Variants in SEMA3E observed in about 807,000 individuals in gnomAD.
SEMA3E encodes the protein semaphorin-3E.
Under a neutral mutation model 93.6 loss-of-function variants are expected in SEMA3E, and 49 were observed. The observed-to-expected ratio is 0.52, with a 90% CI of 0.42 to 0.66. The LOEUF is 0.66. Ranked by LOEUF, SEMA3E falls within the 30% of genes least tolerant of loss-of-function variation. The probability of loss-of-function intolerance (pLI) is 0.00; values close to 1 mark genes in which losing one functional copy is unlikely to be tolerated. For synonymous variants in SEMA3E, 363 were observed against 330.7 expected (o/e 1.10, Z -1.06); for missense variants, 906 against 964.8 (o/e 0.94, Z 0.81).
chr7:83,477,252 C>T (rs985355498), intron 2 of SEMA3E, among the ~76,000 whole-genome samples: 1 of 152,008 alleles, frequency 6.6e-6, no homozygotes, highest in East Asian at 1.9e-4. Flanking sequence ...GACTAAGCCT[C>T]TATAATTTTA....
At chr7:83,500,378 G>A (rs1238549495) in intron 1 of SEMA3E, among the ~76,000 whole-genome samples, 1 of 152,096 alleles carries the variant, frequency 6.6e-6, no homozygotes, top group Non-Finnish European at 1.5e-5. Context: ...GGAGGTTGCA[G>A]TGAGCTGAGA....
intron 1 of SEMA3E, among the ~76,000 whole-genome samples, chr7:83,512,328 A>G (rs1276412557): frequency 3.3e-5 from 5 of 152,144 alleles, no homozygotes; most frequent in Non-Finnish European, 7.3e-5. Context: ...CAAGCTAGCA[A>G]CCCCACGTAA....
chr7:83,522,355 T>C (rs1791066537), intron 1 of SEMA3E, among the ~76,000 whole-genome samples: 1 of 152,076 alleles, frequency 6.6e-6, no homozygotes, highest in South Asian at 2.1e-4. Context: ...CAGATGTGCC[T>C]GGGAACTTAT....
intron 1 of SEMA3E, among the ~76,000 whole-genome samples, chr7:83,622,156 CTT>C (rs747383593): frequency 8.0e-4 from 117 of 147,160 alleles, no homozygotes; most frequent in Non-Finnish European, 1.6e-3. Context: ...AAAAAAAACA[CTT>C]AAAAGTGGGC....
chr7:83,564,053 A>G (rs215276), intron 1 of SEMA3E, among the ~76,000 whole-genome samples: 50,318 of 152,114 alleles, frequency 0.33, 9,496 homozygotes, highest in African/African-American at 0.53. Flanking sequence ...AATTCCATAT[A>G]GAAGCCGATA....
chr7:83,459,863 T>C (rs1220408237), intron 4 of SEMA3E, among the ~76,000 whole-genome samples: 4 of 152,148 alleles, frequency 2.6e-5, no homozygotes, highest in Non-Finnish European at 5.9e-5. Context: ...CTTGTGAAAG[T>C]CCTTCTCCTG....
chr7:83,544,216 T>G (rs1791597629), intron 1 of SEMA3E, among the ~76,000 whole-genome samples: 1 of 152,080 alleles, frequency 6.6e-6, no homozygotes. Context: ...GTATATAAAT[T>G]TCTTTTATTG....
intron 16 of SEMA3E, among the ~76,000 whole-genome samples, chr7:83,374,263 G>A (rs959602339): frequency 6.0e-5 from 9 of 149,130 alleles, no homozygotes; most frequent in Non-Finnish European, 1.0e-4. Flanking sequence ...TAAACAAGAC[G>A]TTACCCTATA....
intron 1 of SEMA3E, among the ~76,000 whole-genome samples, chr7:83,630,291 T>G (rs1793760295): frequency 6.6e-6 from 1 of 152,212 alleles, no homozygotes; most frequent in Non-Finnish European, 1.5e-5. Flanking sequence ...ACTTTGACAA[T>G]CTCTATAATA....
intron 1 of SEMA3E, among the ~76,000 whole-genome samples, chr7:83,546,681 T>C (rs144687167): frequency 1.3e-5 from 2 of 152,232 alleles, no homozygotes; most frequent in East Asian, 3.9e-4. Flanking sequence ...TTTTTCATGC[T>C]ATCCACTGAG....
chr7:83,400,712 A>G (rs1788220613), intron 10 of SEMA3E, among the ~76,000 whole-genome samples: 2 of 152,204 alleles, frequency 1.3e-5, no homozygotes, highest in Non-Finnish European at 2.9e-5. Flanking sequence ...AAATTCTGGA[A>G]AAGTGAAGTA....
intron 1 of SEMA3E, among the ~76,000 whole-genome samples, chr7:83,574,642 G>A (rs1792362881): frequency 1.3e-5 from 2 of 152,172 alleles, no homozygotes; most frequent in Non-Finnish European, 2.9e-5. Flanking sequence ...AACCATGTCT[G>A]CTCTTGGGGT....
intron 4 of SEMA3E, among the ~76,000 whole-genome samples, chr7:83,449,586 C>G (rs1429330749): frequency 6.6e-6 from 1 of 152,010 alleles, no homozygotes; most frequent in African/African-American, 2.4e-5. Context: ...ATTCTTGAAT[C>G]AAAAGCTTAT....
At chr7:83,528,915 C>T (rs979086831) in intron 1 of SEMA3E, among the ~76,000 whole-genome samples, 3 of 151,852 alleles carry the variant, frequency 2.0e-5, no homozygotes, top group Non-Finnish European at 4.4e-5. Flanking sequence ...GGTTTAAATA[C>T]GTGAAAAATA....
chr7:83,587,584 G>A (rs60376849), intron 1 of SEMA3E, among the ~76,000 whole-genome samples: 1 of 151,752 alleles, frequency 6.6e-6, no homozygotes, highest in African/African-American at 2.4e-5. Context: ...TGGTGGCTCG[G>A]GCCTGTAATC....
intron 1 of SEMA3E, among the ~76,000 whole-genome samples, chr7:83,548,143 C>G (rs1465693963): frequency 6.6e-6 from 1 of 152,030 alleles, no homozygotes; most frequent in African/African-American, 2.4e-5. Flanking sequence ...ATCCTGAGGC[C>G]TTTCCTTTCT....
intron 16 of SEMA3E, among the ~76,000 whole-genome samples, chr7:83,384,268 A>G (rs999628271): frequency 1.3e-5 from 2 of 152,074 alleles, no homozygotes; most frequent in African/African-American, 4.8e-5. Context: ...GGAATCAGTA[A>G]TTTTGTATTC....
At chr7:83,444,369 C>T (rs930411012) in intron 4 of SEMA3E, among the ~76,000 whole-genome samples, 9 of 152,076 alleles carry the variant, frequency 5.9e-5, no homozygotes, top group Admixed American at 5.2e-4. Context: ...GTCAAGAGGT[C>T]CTCCCTCCTT....
intron 1 of SEMA3E, among the ~76,000 whole-genome samples, chr7:83,559,162 A>G (rs1791977143): frequency 6.6e-6 from 1 of 152,050 alleles, no homozygotes; most frequent in African/African-American, 2.4e-5. Context: ...TTGCTAGGAC[A>G]GTTGCTAACT....
Sources: gnomAD v4.1 joint callset for allele counts (sites outside exome capture counted in the v4.1 genomes callset) on GRCh38, gnomAD v4.1.1 for gene constraint, MANE v1.5 for transcripts, NCBI Gene and HGNC (gene_info 2026-07-23, HGNC 2026-07-21) for gene names.